Variants in ST8SIA1 observed in about 807,000 individuals in gnomAD.
The protein encoded by ST8SIA1 is ST8 alpha-N-acetyl-neuraminide alpha-2,8-sialyltransferase 1, also known as alpha-N-acetylneuraminide alpha-2,8-sialyltransferase.
ST8SIA1 carries 16 observed loss-of-function variants against 35.9 expected under a neutral mutation model. The observed-to-expected ratio is 0.45, with a 90% CI of 0.30 to 0.68. The LOEUF (loss-of-function observed/expected upper bound fraction) is 0.68, where lower values mean the gene tolerates loss of function less well. Among genes scored for constraint, ST8SIA1 ranks in the 30% least tolerant of loss-of-function variants. The probability of loss-of-function intolerance (pLI) is 0.09; values close to 1 mark genes in which losing one functional copy is unlikely to be tolerated. For missense variants in ST8SIA1, 383 were observed against 453.6 expected, an observed-to-expected ratio of 0.84 and a Z score of 1.41; for synonymous variants, 170 against 169.6, an observed-to-expected ratio of 1.00 and a Z score of -0.02.
intron 4 of ST8SIA1, among the ~76,000 whole-genome samples, chr12:22,219,167 A>G (rs1399519399): frequency 6.6e-6 from 1 of 152,192 alleles, no homozygotes; most frequent in Non-Finnish European, 1.5e-5. Context: ...CATTTATTTA[A>G]TTAATGATGA....
At chr12:22,308,297 A>G (rs1036919293) in intron 1 of ST8SIA1, among the ~76,000 whole-genome samples, 9 of 152,234 alleles carry the variant, frequency 5.9e-5, no homozygotes, top group African/African-American at 2.2e-4. Context: ...TAGAAGATAT[A>G]AAAGATAACA....
At chr12:22,310,457 C>T (rs1866436045) in intron 1 of ST8SIA1, among the ~76,000 whole-genome samples, 1 of 152,098 alleles carries the variant, frequency 6.6e-6, no homozygotes, top group Non-Finnish European at 1.5e-5. Flanking sequence ...TGCAATAACT[C>T]GTCACAGTCA....
At chr12:22,213,930 A>G (rs960394456) in intron 4 of ST8SIA1, among the ~76,000 whole-genome samples, 1 of 152,148 alleles carries the variant, frequency 6.6e-6, no homozygotes, top group African/African-American at 2.4e-5. Flanking sequence ...CAGTTGTTGA[A>G]TATTTATTAT....
chr12:22,243,674 T>C (rs1300838697), intron 4 of ST8SIA1, among the ~76,000 whole-genome samples: 1 of 152,242 alleles, frequency 6.6e-6, no homozygotes, highest in Non-Finnish European at 1.5e-5. Context: ...GTATTCCAAT[T>C]TGAGCACAGA....
chr12:22,291,565 C>T (rs973509780), intron 1 of ST8SIA1, among the ~76,000 whole-genome samples: 1 of 152,208 alleles, frequency 6.6e-6, no homozygotes, highest in Admixed American at 6.5e-5. Flanking sequence ...ATCATTTGAT[C>T]TTGCATGTCC....
At chr12:22,278,124 T>C (rs539067242) in intron 2 of ST8SIA1, among the ~76,000 whole-genome samples, 1 of 152,326 alleles carries the variant, frequency 6.6e-6, no homozygotes, top group Admixed American at 6.5e-5. Flanking sequence ...AAAGCATAGT[T>C]GTGCTGGCAG....
intron 3 of ST8SIA1, 122 bp from the exon 4 acceptor site, chr12:22,249,220 G>GT (rs878946392): frequency 0.088 from 38,286 of 434,056 alleles, 11 homozygotes; most frequent in East Asian, 0.17. Flanking sequence ...TTTGTTTTTT[G>GT]TTTTTTTTTT....
At chr12:22,277,495 T>A (rs1443045710) in intron 2 of ST8SIA1, among the ~76,000 whole-genome samples, 2 of 151,254 alleles carry the variant, frequency 1.3e-5, no homozygotes, top group East Asian at 3.9e-4. Flanking sequence ...GCCTCCTGAA[T>A]AGCAGGGATT....
intron 1 of ST8SIA1, among the ~76,000 whole-genome samples, chr12:22,309,487 T>C (rs1866424446): frequency 6.6e-6 from 1 of 152,216 alleles, no homozygotes; most frequent in South Asian, 2.1e-4. Flanking sequence ...TTTTTGCACA[T>C]GAGACCCAAG....
rs1421350708 is a variant in ST8SIA1 at position 22,237,809 on chromosome 12, AATT to A, written c.584+11194_584+11196del. 3.3e-5 allele frequency among the ~76,000 whole-genome samples: 5 copies of A among 152,138 alleles called. No homozygotes were observed. In the East Asian group the frequency reaches 7.7e-4, roughly 24 times the overall value. ...AATCATGAAAAGTCTATTTTAAAAT[AATT>A]ATTATTTATTTATCAACTTTACTAA... On this transcript the variant is annotated intron_variant, in intron 4 of 4. Coordinates refer to ENST00000396037, the MANE Select transcript of ST8SIA1 (RefSeq NM_003034.4).
intron 1 of ST8SIA1, among the ~76,000 whole-genome samples, chr12:22,290,590 C>T (rs560231572): frequency 6.6e-6 from 1 of 152,234 alleles, no homozygotes; most frequent in South Asian, 2.1e-4. Context: ...AAAGTCACAG[C>T]AGAGATGTGC....
chr12:22,232,732 A>G (rs1865433767), intron 4 of ST8SIA1, among the ~76,000 whole-genome samples: 2 of 152,062 alleles, frequency 1.3e-5, no homozygotes, highest in African/African-American at 2.4e-5. Flanking sequence ...CCAGCTACTC[A>G]GGAGGCTGAG....
At chr12:22,233,880 C>G (rs1865446274) in intron 4 of ST8SIA1, among the ~76,000 whole-genome samples, 1 of 152,010 alleles carries the variant, frequency 6.6e-6, no homozygotes, top group Non-Finnish European at 1.5e-5. Flanking sequence ...CCAAATATTC[C>G]CTGTTTTATT....
At chr12:22,322,763 C>T (rs1428111430) in intron 1 of ST8SIA1, among the ~76,000 whole-genome samples, 3 of 152,196 alleles carry the variant, frequency 2.0e-5, no homozygotes, top group Admixed American at 6.5e-5. Context: ...AAAATATCAT[C>T]ATGGAATTTT....
At chr12:22,223,062 T>C (rs1865317513) in intron 4 of ST8SIA1, among the ~76,000 whole-genome samples, 1 of 152,174 alleles carries the variant, frequency 6.6e-6, no homozygotes, top group South Asian at 2.1e-4. Flanking sequence ...CTTCCTTCAT[T>C]TATTTAACAA....
intron 1 of ST8SIA1, among the ~76,000 whole-genome samples, chr12:22,310,263 G>T (rs542553199): frequency 6.6e-6 from 1 of 152,192 alleles, no homozygotes; most frequent in East Asian, 1.9e-4. Context: ...ATTAACAAAA[G>T]AATAAAACAC....
intron 1 of ST8SIA1, among the ~76,000 whole-genome samples, chr12:22,320,428 T>C (rs1466186766): frequency 6.6e-6 from 1 of 152,170 alleles, no homozygotes; most frequent in Non-Finnish European, 1.5e-5. Context: ...AGGAGCTGCC[T>C]TGGGAGTGGC....
chr12:22,259,173 G>A (rs903214651), intron 2 of ST8SIA1, among the ~76,000 whole-genome samples: 1 of 152,086 alleles, frequency 6.6e-6, no homozygotes, highest in African/African-American at 2.4e-5. Flanking sequence ...CGGTAAAACA[G>A]TAATTTAACA....
chr12:22,204,666 T>C (rs1865086874), intron 4 of ST8SIA1, among the ~76,000 whole-genome samples: 1 of 152,144 alleles, frequency 6.6e-6, no homozygotes, highest in Non-Finnish European at 1.5e-5. Context: ...TTGAAGGGAG[T>C]AGTTTTCCCT....
Sources: gnomAD v4.1 joint callset for allele counts (sites outside exome capture counted in the v4.1 genomes callset) on GRCh38, gnomAD v4.1.1 for gene constraint, MANE v1.5 for transcripts, NCBI Gene and HGNC (gene_info 2026-07-23, HGNC 2026-07-21) for gene names.